Variants in EVC2 observed in about 807,000 individuals in gnomAD.
The protein encoded by EVC2 is EvC ciliary complex subunit 2, also known as limbin.
Under a neutral mutation model 149.3 loss-of-function variants are expected in EVC2, and 148 were observed. The ratio of observed to expected loss-of-function variants is 0.99; its 90% confidence interval spans 0.87 to 1.14. The LOEUF (loss-of-function observed/expected upper bound fraction) is 1.14. Ranked by LOEUF, EVC2 falls within the 50% of genes most tolerant of loss-of-function variation. The probability of loss-of-function intolerance (pLI) is 0.00; values close to 1 mark genes in which losing one functional copy is unlikely to be tolerated. For missense variants in EVC2, 1,854 were observed against 1,627.3 expected (o/e 1.14, Z -2.40); for synonymous variants, 776 against 649.9 (o/e 1.19, Z -2.95).
downstream of EVC2, among the ~76,000 whole-genome samples, chr4:5,559,278 A>G (rs1346518536): frequency 6.6e-6 from 1 of 152,232 alleles, no homozygotes; most frequent in African/African-American, 2.4e-5. The surrounding 1 kb of genome is among the most constrained non-coding windows in gnomAD (Gnocchi z 5.0). Flanking sequence ...CATGTTGGAG[A>G]CATCAGTAAA....
chr4:5,576,563 T>G lies in EVC2; in HGVS notation c.3058-109A>C. On this transcript the variant is annotated intron_variant, in intron 17 of 21. Coordinates refer to ENST00000344408, the MANE Select transcript of EVC2 (RefSeq NM_147127.5). The surrounding 1 kb of genome is among the most constrained non-coding windows in gnomAD (Gnocchi z 4.5). ...GCTACAAGTCTGGCATGACTCTGTC[T>G]TGCCTGGTTCCCCATCCAGCTGTGC... 1.3e-6 allele frequency: 2 copies of G among 1,520,732 alleles called. No individual in the cohort carries two copies. Among genetic ancestry groups the G allele is most frequent in the Non-Finnish European group, 8.8e-7 (1 of 1,135,168 alleles). 94.2% of individuals were successfully genotyped at this position (1,520,732 alleles called of 1,614,324 possible). A position where few individuals can be genotyped will look rare whatever the true frequency, so the allele number is the denominator to read the frequency against.
chr4:5,618,348 G>T lies in EVC2; in HGVS notation c.2706+130C>A. ...CCTGGAATAGCTGGACACCAATGCAGCCAGAGAGGAGAGGATAGGGGAGCA... is the reference window on the plus strand; with the variant it reads ...CCTGGAATAGCTGGACACCAATGCATCCAGAGAGGAGAGGATAGGGGAGCA... On this transcript the variant is annotated intron_variant, in intron 15 of 21. Transcript: ENST00000344408. This position sits in a 1 kb window ranked among gnomAD's most constrained non-coding sequence, Gnocchi z 4.4. 1 of 1,029,090 alleles carries T rather than the reference G, an allele frequency of 9.7e-7. No homozygotes were observed. Among genetic ancestry groups the T allele is most frequent in the Non-Finnish European group, 1.5e-6 (1 of 672,974 alleles). The allele number at this position is 1,029,090 out of a possible 1,614,324, so 63.7% of individuals were successfully genotyped here. A position where few individuals can be genotyped will look rare whatever the true frequency, so the allele number is the denominator to read the frequency against.
chr4:5,561,386 C>T (rs550827746), downstream of EVC2, among the ~76,000 whole-genome samples: 14 of 152,296 alleles, frequency 9.2e-5, no homozygotes, highest in South Asian at 2.7e-3. Context: ...TCACTCGAGG[C>T]CCACTGGACC....
At chr4:5,568,728 T>C in intron 19 of EVC2, 88 bp from the exon 20 acceptor site, 1 of 1,339,888 alleles carries the variant, frequency 7.5e-7, no homozygotes, top group Middle Eastern at 2.0e-4. Context: ...GAGGACATTC[T>C]GTCCTGGAGT....
intron 16 of EVC2, among the ~76,000 whole-genome samples, chr4:5,596,152 C>T (rs1166888912): frequency 6.6e-6 from 1 of 152,136 alleles, no homozygotes; most frequent in African/African-American, 2.4e-5. Flanking sequence ...CAACATTAGA[C>T]ATATCAACAA....
rs147667929 is a variant in EVC2 at position 5,640,831 on chromosome 4, T to C, written c.1153A>G (p.Ile385Val). 5 of 1,614,036 alleles carry C rather than the reference T, an allele frequency of 3.1e-6. No homozygotes were observed. The highest frequency in any genetic ancestry group is 1.3e-5 in the African/African-American group (1 of 74,912). ...SMLQALEELE[I>V]ATLNRADADL... is the part of the protein sequence containing the mutation. Reference sequence around the variant, plus strand: ...GCATCTGCCCGATTCAGGGTTGCAATCTCCAACCTAGGAAACACAAAAATC... The same window carrying C: ...GCATCTGCCCGATTCAGGGTTGCAACCTCCAACCTAGGAAACACAAAAATC... Residue 385 changes from isoleucine to valine, a missense_variant, in exon 10 of 22, where the codon ATT becomes GTT. Ile to Val is a conservative substitution (Grantham distance 29). Transcript: ENST00000344408. This position sits in a 1 kb window ranked among gnomAD's most constrained non-coding sequence, Gnocchi z 4.6.
intron 21 of EVC2, among the ~76,000 whole-genome samples, chr4:5,550,647 T>C (rs1721719024): frequency 6.6e-6 from 1 of 152,240 alleles, no homozygotes; most frequent in Non-Finnish European, 1.5e-5. Flanking sequence ...TCAAGCCAGC[T>C]GCAGAAATTT....
intron 16 of EVC2, among the ~76,000 whole-genome samples, chr4:5,603,566 C>A (rs1315710798): frequency 6.6e-6 from 1 of 152,216 alleles, no homozygotes; most frequent in African/African-American, 2.4e-5. Flanking sequence ...CTGACAAGAA[C>A]CAACTACCCC....
At chr4:5,572,511 G>C (rs1371776306) in intron 19 of EVC2, among the ~76,000 whole-genome samples, 1 of 152,114 alleles carries the variant, frequency 6.6e-6, no homozygotes, top group Non-Finnish European at 1.5e-5. Context: ...GTCCTCCAAA[G>C]GATGCAGCAA....
chr4:5,678,315 C>G (rs1560217792), intron 7 of EVC2, among the ~76,000 whole-genome samples: 1 of 152,150 alleles, frequency 6.6e-6, no homozygotes, highest in Non-Finnish European at 1.5e-5. Flanking sequence ...AGGAGCCTCC[C>G]TGGTAGATAA....
At chr4:5,700,939 C>A (rs937014532) in intron 1 of EVC2, among the ~76,000 whole-genome samples, 7 of 152,234 alleles carry the variant, frequency 4.6e-5, no homozygotes, top group Non-Finnish European at 8.8e-5. Context: ...CACATCACTG[C>A]AAATGTAGTG....
intron 2 of EVC2, among the ~76,000 whole-genome samples, chr4:5,695,588 G>A (rs1721426426): frequency 6.6e-6 from 1 of 152,166 alleles, no homozygotes; most frequent in South Asian, 2.1e-4. Context: ...TGGGTGTGTG[G>A]TTAAGATACC....
At chr4:5,552,359 G>A (rs1357022883) in intron 21 of EVC2, among the ~76,000 whole-genome samples, 3 of 152,154 alleles carry the variant, frequency 2.0e-5, no homozygotes, top group Non-Finnish European at 2.9e-5. Context: ...GCCATATAGT[G>A]CATTTGAATT....
intron 14 of EVC2, among the ~76,000 whole-genome samples, chr4:5,619,327 G>A (rs1160811478): frequency 6.6e-6 from 1 of 152,196 alleles, no homozygotes; most frequent in East Asian, 1.9e-4. Flanking sequence ...AGGCCATATT[G>A]GAGCACAGTG....
chr4:5,643,334 A>G (rs1369835319), intron 9 of EVC2, among the ~76,000 whole-genome samples: 2 of 152,214 alleles, frequency 1.3e-5, no homozygotes, highest in Non-Finnish European at 2.9e-5. Context: ...TAATTCTATA[A>G]AAATAGACCT....
chr4:5,590,967 T>G (rs1416243441), intron 16 of EVC2, among the ~76,000 whole-genome samples: 1 of 152,156 alleles, frequency 6.6e-6, no homozygotes, highest in Non-Finnish European at 1.5e-5. Context: ...TCAGATCTCA[T>G]GAGAACTCAC....
chr4:5,650,602 G>A (rs1399134701), intron 9 of EVC2, among the ~76,000 whole-genome samples: 11 of 58,324 alleles, frequency 1.9e-4, no homozygotes, highest in Admixed American at 1.7e-3. Flanking sequence ...TGTTTTAATC[G>A]CCATATATAT....
At chr4:5,599,686 C>T (rs556752327) in intron 16 of EVC2, among the ~76,000 whole-genome samples, 88 of 152,176 alleles carry the variant, frequency 5.8e-4, no homozygotes, top group African/African-American at 2.1e-3. Context: ...CTAACCTGCA[C>T]ATTGTGCACA....
intron 15 of EVC2, among the ~76,000 whole-genome samples, chr4:5,616,732 G>A (rs567518544): frequency 1.3e-5 from 2 of 152,316 alleles, no homozygotes; most frequent in East Asian, 1.9e-4. Context: ...AGGGAGCTGC[G>A]GCTCCATCCG....
Sources: allele counts gnomAD v4.1 joint callset (sites outside exome capture counted in the v4.1 genomes callset), GRCh38; gene constraint gnomAD v4.1.1; non-coding constraint Gnocchi (gnomAD v3.1); transcripts MANE v1.5; gene names NCBI Gene and HGNC (gene_info 2026-07-23, HGNC 2026-07-21).